The following TBC1D19 variants were observed in gnomAD, a reference collection of about 807,000 sequenced individuals.
TBC1D19 encodes the protein TBC1 domain family member 19.
In TBC1D19, 60 loss-of-function variants were observed where a neutral mutation model predicts 89.0. The observed-to-expected ratio is 0.67, with a 90% CI of 0.55 to 0.84. The LOEUF (loss-of-function observed/expected upper bound fraction) is 0.84. TBC1D19 is among the 40% of genes least tolerant of loss of function. The probability of loss-of-function intolerance (pLI) is 0.00; values close to 1 mark genes in which losing one functional copy is unlikely to be tolerated. For missense variants in TBC1D19, 500 were observed against 610.8 expected (o/e 0.82, Z 1.91); for synonymous variants, 189 against 199.7 (o/e 0.95, Z 0.45).
intron 4 of TBC1D19, among the ~76,000 whole-genome samples, chr4:26,632,765 G>C (rs962860606): frequency 3.9e-5 from 6 of 152,030 alleles, no homozygotes; most frequent in African/African-American, 1.4e-4. Flanking sequence ...TTGCAAAATG[G>C]ACCCTTCTAT....
At chr4:26,607,518 G>A (rs1452266873) in intron 1 of TBC1D19, among the ~76,000 whole-genome samples, 1 of 152,170 alleles carries the variant, frequency 6.6e-6, no homozygotes. Flanking sequence ...ACTTGAACAA[G>A]CTAGTAAATT....
At chr4:26,829,504 C>A in the TBC1D19 span, among the ~76,000 whole-genome samples, 1 of 152,196 alleles carries the variant, frequency 6.6e-6, no homozygotes, top group South Asian at 2.1e-4. Flanking sequence ...GGGCCTTTTC[C>A]TCTAACTCAT....
the TBC1D19 span, among the ~76,000 whole-genome samples, chr4:26,825,557 A>G: frequency 3.7e-3 from 557 of 152,310 alleles, 5 homozygotes; most frequent in African/African-American, 0.013. Context: ...GGAAACACTC[A>G]TTGTTCACTG....
chr4:26,599,845 G>A (rs1740476213), intron 1 of TBC1D19, among the ~76,000 whole-genome samples: 2 of 150,378 alleles, frequency 1.3e-5, no homozygotes, highest in Admixed American at 1.3e-4. Flanking sequence ...CTACTGAGGA[G>A]GCTGAGGCAG....
Position 26,732,667 on chromosome 4 carries a change from A to T in TBC1D19, c.1085-2788A>T, listed in dbSNP as rs1717737869. Among the ~76,000 whole-genome samples, 4 of 152,148 alleles carry T rather than the reference A, an allele frequency of 2.6e-5. No homozygotes were observed. The South Asian group carries it at 8.3e-4, about 32-fold the overall frequency. On this transcript the variant is annotated intron_variant, in intron 15 of 20. Transcript: ENST00000264866. ...CCACAAACAGTCCATGTCCCATATT[A>T]TTCTTTGTTGTTTTTGAAATAATCC... is the stretch of plus-strand genomic sequence containing the variant.
At chr4:26,628,522 G>A (rs1360639449) in intron 4 of TBC1D19, among the ~76,000 whole-genome samples, 1 of 152,096 alleles carries the variant, frequency 6.6e-6, no homozygotes, top group Non-Finnish European at 1.5e-5. Context: ...AATTAGGCAG[G>A]AGAAGGAAAT....
chr4:26,817,981 A>AATAT, the TBC1D19 span, among the ~76,000 whole-genome samples: 232 of 126,044 alleles, frequency 1.8e-3, 4 homozygotes, highest in African/African-American at 7.9e-3. Flanking sequence ...AAAAAAAAAA[A>AATAT]ATATATATAT....
chr4:26,671,591 C>T (rs1560461932), intron 9 of TBC1D19, among the ~76,000 whole-genome samples: 1 of 151,512 alleles, frequency 6.6e-6, no homozygotes, highest in Non-Finnish European at 1.5e-5. Flanking sequence ...TTAAAAAAAT[C>T]TCATCATAGA....
intron 15 of TBC1D19, among the ~76,000 whole-genome samples, chr4:26,731,809 A>G (rs1408647689): frequency 6.6e-6 from 1 of 152,274 alleles, no homozygotes; most frequent in East Asian, 1.9e-4. Flanking sequence ...TAAGTACAGC[A>G]TACAAAGAAG....
chr4:26,715,230 C>A (rs1345468804), intron 13 of TBC1D19, among the ~76,000 whole-genome samples: 1 of 152,034 alleles, frequency 6.6e-6, no homozygotes, highest in Non-Finnish European at 1.5e-5. Context: ...AACTGTTCTG[C>A]CTGCCACTTT....
intron 1 of TBC1D19, among the ~76,000 whole-genome samples, chr4:26,608,247 A>G (rs1741132768): frequency 6.6e-6 from 1 of 152,108 alleles, no homozygotes; most frequent in African/African-American, 2.4e-5. Flanking sequence ...CATGTCTTTG[A>G]TTGGGATTTT....
the TBC1D19 span, among the ~76,000 whole-genome samples, chr4:26,807,797 T>C: frequency 6.6e-6 from 1 of 152,210 alleles, no homozygotes; most frequent in Non-Finnish European, 1.5e-5. Context: ...ATCAGGTTGA[T>C]AGGACAATGC....
At chr4:26,825,004 C>T in the TBC1D19 span, among the ~76,000 whole-genome samples, 1 of 152,162 alleles carries the variant, frequency 6.6e-6, no homozygotes, top group Non-Finnish European at 1.5e-5. Context: ...CTGGATATTC[C>T]TGTCACCTCA....
At chr4:26,618,018 C>T (rs1018812567) in intron 3 of TBC1D19, among the ~76,000 whole-genome samples, 2 of 152,154 alleles carry the variant, frequency 1.3e-5, no homozygotes, top group East Asian at 1.9e-4. Flanking sequence ...TCATGGCTTT[C>T]GCTGGGAGAG....
chr4:26,724,829 A>AT (rs1717205392), intron 15 of TBC1D19, among the ~76,000 whole-genome samples: 1 of 152,156 alleles, frequency 6.6e-6, no homozygotes, highest in Admixed American at 6.5e-5. Context: ...CAAAGCCCTC[A>AT]TGCCCCAAGT....
intron 4 of TBC1D19, among the ~76,000 whole-genome samples, chr4:26,626,886 TTTTTA>T (rs1268749170): frequency 6.7e-6 from 1 of 149,800 alleles, no homozygotes; most frequent in East Asian, 1.9e-4. Flanking sequence ...ATTTTTTATT[TTTTTA>T]TTTTATTATT....
chr4:26,618,055 C>G (rs1741808551), intron 3 of TBC1D19, among the ~76,000 whole-genome samples: 2 of 152,178 alleles, frequency 1.3e-5, no homozygotes, highest in African/African-American at 4.8e-5. Context: ...CTGGGTACCT[C>G]TGAAACGTCC....
intron 1 of TBC1D19, among the ~76,000 whole-genome samples, chr4:26,610,502 AG>A (rs1274597932): frequency 6.7e-6 from 1 of 148,774 alleles, no homozygotes. Context: ...TTTGTTATAT[AG>A]GTAAATTGTT....
chr4:26,777,216 C>T, the TBC1D19 span, among the ~76,000 whole-genome samples: 2 of 151,330 alleles, frequency 1.3e-5, no homozygotes, highest in Non-Finnish European at 2.9e-5. Flanking sequence ...CTCACTGCAA[C>T]CTCTGCCTCC....
Sources: gnomAD v4.1 joint callset for allele counts (sites outside exome capture counted in the v4.1 genomes callset) on GRCh38, gnomAD v4.1.1 for gene constraint, MANE v1.5 for transcripts, NCBI Gene and HGNC (gene_info 2026-07-23, HGNC 2026-07-21) for gene names.